The following RALGAPB variants were observed in gnomAD, a reference collection of about 807,000 sequenced individuals.
The protein encoded by RALGAPB is Ral GTPase activating protein non-catalytic subunit beta.
Under a neutral mutation model 161.1 loss-of-function variants are expected in RALGAPB, and 25 were observed. The ratio of observed to expected loss-of-function variants is 0.16; its 90% confidence interval spans 0.11 to 0.22. The LOEUF is 0.22. Ranked by LOEUF, RALGAPB falls within the 10% of genes least tolerant of loss-of-function variation. The pLI is 1.00. For synonymous variants in RALGAPB, 629 were observed against 626.1 expected (o/e 1.00, Z -0.07); for missense variants, 1,391 against 1,815.2 (o/e 0.77, Z 4.25).
intron 3 of RALGAPB, 52 bp downstream of exon 3, chr20:38,493,184 C>G: frequency 7.0e-7 from 1 of 1,422,094 alleles, no homozygotes; most frequent in Non-Finnish European, 9.8e-7. Flanking sequence ...GTAAAATATT[C>G]ATAAACGTTA....
intron 18 of RALGAPB, among the ~76,000 whole-genome samples, chr20:38,543,110 A>C (rs2087028671): frequency 6.6e-6 from 1 of 152,154 alleles, no homozygotes; most frequent in Non-Finnish European, 1.5e-5. Context: ...TACATGGCTC[A>C]TCTGTTTCGC....
intron 6 of RALGAPB, among the ~76,000 whole-genome samples, chr20:38,514,823 C>G (rs1465006500): frequency 6.6e-6 from 1 of 152,150 alleles, no homozygotes; most frequent in Non-Finnish European, 1.5e-5. Flanking sequence ...AACAGGTTCC[C>G]CAAATGTGTC....
At chr20:38,536,557 C>T (rs566948772) in intron 16 of RALGAPB, among the ~76,000 whole-genome samples, 6 of 152,292 alleles carry the variant, frequency 3.9e-5, no homozygotes, top group Non-Finnish European at 8.8e-5. Context: ...AACTGTTTTT[C>T]ACAGTGACTG....
chr20:38,492,786 A>C, intron 2 of RALGAPB, 144 bp from the exon 3 acceptor site: 1 of 632,298 alleles, frequency 1.6e-6, no homozygotes, highest in South Asian at 2.2e-5. Context: ...AAAATGCATT[A>C]TCTAAAATAA....
rs544660118 is a variant in RALGAPB, at chr20:38,481,994, C to CACT, written c.-30-6408_-30-6406dup. Among the ~76,000 whole-genome samples the CACT allele has an allele frequency of 2.1e-4, 32 of 151,550 alleles. No individual in the cohort carries two copies. The East Asian group carries it at 6.2e-3, about 29-fold the overall frequency. ...TCTCGTACATCATAAGGGTTAGGAG[C>CACT]ACTGACCCTGTGCAATCAAAAATTT... On this transcript the variant is annotated intron_variant, in intron 1 of 29. Coordinates refer to ENST00000262879, the MANE Select transcript of RALGAPB (RefSeq NM_020336.4).
chr20:38,489,073 C>T lies in RALGAPB; in HGVS notation c.186+455C>T, dbSNP rs539763932. Among the ~76,000 whole-genome samples the T allele has an allele frequency of 1.5e-4, 23 of 152,310 alleles. No individual in the cohort carries two copies. In the South Asian group the frequency reaches 4.8e-3, roughly 32 times the overall value. ...TGTGTATGCTGTGCTTAAGCTCTCC[C>T]CTGTCCCCATCCCTACCTACTCCTT... On this transcript the variant is annotated intron_variant, in intron 2 of 29. Transcript: ENST00000262879.
chr20:38,475,635 G>A (rs1288724220), intron 1 of RALGAPB, among the ~76,000 whole-genome samples: 2 of 139,190 alleles, frequency 1.4e-5, no homozygotes, highest in East Asian at 2.1e-4. Context: ...TTTTTTTTGA[G>A]ATGCAGTCTC....
intron 5 of RALGAPB, among the ~76,000 whole-genome samples, chr20:38,501,548 G>A (rs1398551628): frequency 6.6e-6 from 1 of 152,106 alleles, no homozygotes; most frequent in East Asian, 1.9e-4. Flanking sequence ...GATTACAGAG[G>A]TGTGCCAACA....
chr20:38,491,825 C>A (rs2085289155), intron 2 of RALGAPB, among the ~76,000 whole-genome samples: 1 of 152,142 alleles, frequency 6.6e-6, no homozygotes. Context: ...TAAATAGTAA[C>A]CCTATTAATA....
At chr20:38,535,914 G>C (rs1385601409) in intron 16 of RALGAPB, among the ~76,000 whole-genome samples, 4 of 152,058 alleles carry the variant, frequency 2.6e-5, no homozygotes, top group Non-Finnish European at 5.9e-5. Flanking sequence ...TTCTTTCCCA[G>C]CCGTTACTTC....
rs902201543 is a variant in RALGAPB at position 38,569,942 on chromosome 20, C to T, written c.4009C>T (p.Leu1337Phe). 4 of 1,613,534 alleles carry T rather than the reference C, an allele frequency of 2.5e-6. No homozygotes were observed. Among genetic ancestry groups the T allele is most frequent in the Non-Finnish European group, 3.4e-6 (4 of 1,179,744 alleles). Reference sequence around the variant, plus strand: ...GCCTCAGGGTCGCCCTGTTCCTCCCCTTGGACCTGAGACAAGAGTTTCTGT... The same window carrying T: ...GCCTCAGGGTCGCCCTGTTCCTCCCTTTGGACCTGAGACAAGAGTTTCTGT... ...KLPQGRPVPP[L>F]GPETRVSVVW... The change falls in exon 27 of 30, where the codon CTT (leucine) becomes TTT (phenylalanine). Residue 1337 changes from leucine (L) to phenylalanine (F), a missense_variant. By Grantham distance (22) the Leu-to-Phe change is conservative. This residue lies in a region of RALGAPB where 436 missense variants were observed against 527.0 expected (regional missense o/e 0.83). Coordinates refer to ENST00000262879, the MANE Select transcript of RALGAPB (RefSeq NM_020336.4).
chr20:38,498,603 C>A (rs564479264), intron 4 of RALGAPB, among the ~76,000 whole-genome samples: 2 of 152,356 alleles, frequency 1.3e-5, no homozygotes, highest in South Asian at 2.1e-4. Context: ...CAGCATGAGG[C>A]AGACAATTCA....
chr20:38,489,086 C>A (rs1340823198), intron 2 of RALGAPB, among the ~76,000 whole-genome samples: 1 of 152,212 alleles, frequency 6.6e-6, no homozygotes, highest in African/African-American at 2.4e-5. Context: ...GTCCCCATCC[C>A]TACCTACTCC....
At position 38,511,921 on chromosome 20, in the gene RALGAPB, C is replaced by T. The variant is rs564423155; in HGVS notation, c.872+2713C>T. The stretch of plus-strand genomic sequence containing the variant: ...GACGGGGCGGCCGGGCAGAGGCGCC[C>T]CCCACCTCCCAGACAGGGCGGCGGC... On this transcript the variant is annotated intron_variant, in intron 6 of 29. Coordinates refer to ENST00000262879, the MANE Select transcript of RALGAPB (RefSeq NM_020336.4). 4.6e-5 allele frequency among the ~76,000 whole-genome samples: 7 copies of T among 152,024 alleles called. No individual in the cohort carries two copies. In the South Asian group the frequency reaches 1.0e-3, roughly 23 times the overall value.
At chr20:38,514,530 G>A (rs965483641) in intron 6 of RALGAPB, among the ~76,000 whole-genome samples, 2 of 152,156 alleles carry the variant, frequency 1.3e-5, no homozygotes, top group Non-Finnish European at 2.9e-5. Flanking sequence ...AATGAGCTGC[G>A]ACTGGGTAGA....
rs559159867 is a variant in RALGAPB at position 38,554,907 on chromosome 20, C to T, written c.3372+831C>T. Reference sequence around the variant, plus strand: ...AGTCTGGGCAACATAGCGAGACCCCCCCATCTCTATGAAAAATTGTTTTTA... The same window carrying T: ...AGTCTGGGCAACATAGCGAGACCCCTCCATCTCTATGAAAAATTGTTTTTA... On this transcript the variant is annotated intron_variant, in intron 22 of 29. Coordinates refer to ENST00000262879, the MANE Select transcript of RALGAPB (RefSeq NM_020336.4). Among the ~76,000 whole-genome samples, 68 of 152,222 alleles carry T rather than the reference C, an allele frequency of 4.5e-4. No individual in the cohort carries two copies. In the South Asian group the frequency reaches 8.1e-3, roughly 18 times the overall value.
chr20:38,497,259 G>T, intron 3 of RALGAPB, 94 bp from the exon 4 acceptor site: 5 of 1,154,668 alleles, frequency 4.3e-6, no homozygotes, highest in Non-Finnish European at 6.2e-6. Context: ...GAGCTTCATT[G>T]GACCACTGCT....
intron 11 of RALGAPB, among the ~76,000 whole-genome samples, chr20:38,525,149 C>T (rs191010808): frequency 1.5e-4 from 23 of 152,270 alleles, no homozygotes; most frequent in Admixed American, 1.2e-3. Context: ...CTTGTTGAAT[C>T]GTTTTTGGCC....
At chr20:38,504,342 C>A (rs1300682032) in intron 5 of RALGAPB, among the ~76,000 whole-genome samples, 1 of 152,198 alleles carries the variant, frequency 6.6e-6, no homozygotes, top group Non-Finnish European at 1.5e-5. Context: ...AAAGGACTCT[C>A]TATTCAATAA....
Sources: allele counts gnomAD v4.1 joint callset (sites outside exome capture counted in the v4.1 genomes callset), GRCh38; gene constraint gnomAD v4.1.1; regional missense constraint gnomAD v4.1.1; transcripts MANE v1.5; gene names NCBI Gene and HGNC (gene_info 2026-07-23, HGNC 2026-07-21).